The following CRYBA4 variants were observed in gnomAD, a reference collection of about 807,000 sequenced individuals.
The protein encoded by CRYBA4 is crystallin beta A4, also known as beta-crystallin A4.
Under a neutral mutation model 31.7 loss-of-function variants are expected in CRYBA4, and 30 were observed. The observed-to-expected ratio is 0.95, with a 90% CI of 0.71 to 1.28. The LOEUF is 1.28. Ranked by LOEUF, CRYBA4 falls within the 50% of genes most tolerant of loss-of-function variation. CRYBA4 has a pLI of 0.00. For missense variants in CRYBA4, 225 were observed against 260.7 expected (o/e 0.86, Z 0.94); for synonymous variants, 102 against 102.3 (o/e 1.00, Z 0.02).
chr22:26,602,851 C>T, the CRYBA4 span, among the ~76,000 whole-genome samples: 6 of 152,240 alleles, frequency 3.9e-5, no homozygotes, highest in East Asian at 1.2e-3. Flanking sequence ...AGGCCGGGTG[C>T]GATGGCTCAC....
the CRYBA4 span, among the ~76,000 whole-genome samples, chr22:26,605,251 G>C: frequency 6.6e-6 from 1 of 152,176 alleles, no homozygotes; most frequent in African/African-American, 2.4e-5. Flanking sequence ...GTTTGCAATT[G>C]TAGATGGATT....
At chr22:26,607,592 G>A in the CRYBA4 span, among the ~76,000 whole-genome samples, 1 of 149,676 alleles carries the variant, frequency 6.7e-6, no homozygotes, top group Non-Finnish European at 1.5e-5. Context: ...TCCCAGTAAG[G>A]TCTAAATGTG....
chr22:26,605,734 A>G, the CRYBA4 span, among the ~76,000 whole-genome samples: 3 of 147,378 alleles, frequency 2.0e-5, no homozygotes, highest in Non-Finnish European at 4.5e-5. Context: ...GGGTTCAAGT[A>G]GAAGATGGTC....
At chr22:26,607,181 C>T in the CRYBA4 span, among the ~76,000 whole-genome samples, 1 of 151,946 alleles carries the variant, frequency 6.6e-6, no homozygotes, top group Non-Finnish European at 1.5e-5. Context: ...CGCCACCACG[C>T]CCGGCTAATT....
At chr22:26,611,459 T>TG in the CRYBA4 span, among the ~76,000 whole-genome samples, 332 of 134,772 alleles carry the variant, frequency 2.5e-3, 4 homozygotes, top group Admixed American at 5.6e-3. Context: ...AGTTTGTTTT[T>TG]TTTTTTTTTG....
the CRYBA4 span, among the ~76,000 whole-genome samples, chr22:26,596,062 G>A: frequency 5.9e-5 from 9 of 152,298 alleles, no homozygotes; most frequent in South Asian, 1.9e-3. Flanking sequence ...ATAAGCCACT[G>A]TGCCAGGCCA....
chr22:26,630,361 G>GA lies in CRYBA4; in HGVS notation c.465_466insA (p.Gly156ArgfsTer17). The GA allele has an allele frequency of 6.2e-7, 1 of 1,614,190 alleles. No homozygotes were observed. The highest frequency in any genetic ancestry group is 8.5e-7 in the Non-Finnish European group (1 of 1,180,016). ...CCAGCTGGGTTTGCTCCCAGTTTCC[G>GA]GGCTACCGAGGATTTCAGTATGTGC... On this transcript the variant is annotated frameshift_variant, in exon 6 of 6. Transcript: ENST00000354760. LOFTEE classifies it high-confidence loss of function.
At chr22:26,608,017 C>T in the CRYBA4 span, 1 of 1,614,174 alleles carries the variant, frequency 6.2e-7, no homozygotes. Context: ...TCAAAGGCGA[C>T]CCAGCTGGAT....
chr22:26,605,178 C>A, the CRYBA4 span, among the ~76,000 whole-genome samples: 1 of 152,188 alleles, frequency 6.6e-6, no homozygotes, highest in Non-Finnish European at 1.5e-5. Context: ...AATATCTGAG[C>A]CCCCAGTTCC....
chr22:26,621,067 T>C (rs774797837), upstream of CRYBA4, among the ~76,000 whole-genome samples: 17 of 152,176 alleles, frequency 1.1e-4, no homozygotes, highest in Non-Finnish European at 1.9e-4. Flanking sequence ...CACACAAGTA[T>C]GTATGTATGA....
At chr22:26,627,493 TTTCTTTCTTTC>T (rs1929776860) in intron 4 of CRYBA4, among the ~76,000 whole-genome samples, 1 of 3,722 alleles carries the variant, frequency 2.7e-4, no homozygotes, top group Non-Finnish European at 4.2e-4. Flanking sequence ...TTTCCTTTTC[TTTCTTTCTTTC>T]TTTCTTTCTT....
chr22:26,594,793 G>C, the CRYBA4 span, among the ~76,000 whole-genome samples: 1 of 152,206 alleles, frequency 6.6e-6, no homozygotes, highest in Non-Finnish European at 1.5e-5. Flanking sequence ...CCCCGAAAAG[G>C]CTGAAGGCAA....
chr22:26,605,548 C>T, the CRYBA4 span, among the ~76,000 whole-genome samples: 2 of 151,776 alleles, frequency 1.3e-5, no homozygotes, highest in Non-Finnish European at 2.9e-5. Flanking sequence ...GCGGTGCACA[C>T]CTATAATCCC....
intron 3 of CRYBA4, 47 bp downstream of exon 3, chr22:26,623,399 G>A (rs1929604720): frequency 1.4e-6 from 2 of 1,465,394 alleles, no homozygotes; most frequent in African/African-American, 1.4e-5. Flanking sequence ...GGACAGGAAG[G>A]GACCTAGAGA....
the CRYBA4 span, among the ~76,000 whole-genome samples, chr22:26,598,889 G>A: frequency 6.6e-6 from 1 of 152,218 alleles, no homozygotes; most frequent in Admixed American, 6.5e-5. Context: ...AAAATTTATA[G>A]ATTTGTCTTG....
At chr22:26,591,348 G>A in the CRYBA4 span, among the ~76,000 whole-genome samples, 1 of 152,072 alleles carries the variant, frequency 6.6e-6, no homozygotes, top group East Asian at 1.9e-4. Context: ...GTACATGCCT[G>A]TAGTCCCAGC....
intron 5 of CRYBA4, among the ~76,000 whole-genome samples, chr22:26,629,734 C>CAAAAAAAAAAAAAAAAAAAAAAAA (rs66906132): frequency 3.7e-5 from 3 of 80,600 alleles, no homozygotes; most frequent in Non-Finnish European, 7.9e-5. Context: ...GACTCTGTCT[C>CAAAAAAAAAAAAAAAAAAAAAAAA]AAAAAAAAAA....
chr22:26,600,528 G>A, the CRYBA4 span, among the ~76,000 whole-genome samples: 17 of 152,346 alleles, frequency 1.1e-4, no homozygotes, highest in Admixed American at 1.1e-3. Flanking sequence ...CTAGCTGTGA[G>A]AATCTAGGTG....
chr22:26,617,023 G>A (rs1485602418), upstream of CRYBA4, among the ~76,000 whole-genome samples: 1 of 152,232 alleles, frequency 6.6e-6, no homozygotes, highest in Non-Finnish European at 1.5e-5. Flanking sequence ...TTCAGAGAAT[G>A]AATGAATGCA....
Sources: allele counts gnomAD v4.1 joint callset (sites outside exome capture counted in the v4.1 genomes callset), GRCh38; gene constraint gnomAD v4.1.1; transcripts MANE v1.5; gene names NCBI Gene and HGNC (gene_info 2026-07-23, HGNC 2026-07-21).